Variants in SHPRH observed in about 807,000 individuals in gnomAD.
SHPRH encodes SNF2 histone linker PHD RING helicase, also known as E3 ubiquitin-protein ligase SHPRH.
Under a neutral mutation model 202.5 loss-of-function variants are expected in SHPRH, and 106 were observed. The observed-to-expected ratio is 0.52, with a 90% CI of 0.45 to 0.62. The LOEUF (loss-of-function observed/expected upper bound fraction) is 0.62. Ranked by LOEUF, SHPRH falls within the 20% of genes least tolerant of loss-of-function variation. The pLI, the probability that SHPRH is intolerant of heterozygous loss-of-function variation, is 0.00. For missense variants in SHPRH, 1,710 were observed against 2,020.0 expected, an observed-to-expected ratio of 0.85 and a Z score of 2.94; for synonymous variants, 729 against 686.0, an observed-to-expected ratio of 1.06 and a Z score of -0.98.
At chr6:145,963,252 C>T (rs1298091515) in intron 1 of SHPRH, among the ~76,000 whole-genome samples, 2 of 152,112 alleles carry the variant, frequency 1.3e-5, no homozygotes, top group African/African-American at 2.4e-5. Context: ...TATCATGGAT[C>T]GTTTCTATTC....
chr6:145,872,883 G>A (rs1273138181), intron 2 of SHPRH, among the ~76,000 whole-genome samples: 1 of 152,188 alleles, frequency 6.6e-6, no homozygotes, highest in African/African-American at 2.4e-5. Context: ...GTGCTTCGCA[G>A]GGACATGGAT....
rs749535179 is a variant in SHPRH, at chr6:145,943,715, AGGT to A, written c.1663_1665del (p.Thr555del). On this transcript the variant is annotated inframe_deletion, in exon 9 of 30. Coordinates refer to ENST00000275233, the MANE Select transcript of SHPRH (RefSeq NM_001042683.3). The stretch of plus-strand genomic sequence containing the variant: ...TAGTAAGGATCATCATCATCATCAG[AGGT>A]GTCTGATGGCAAGTATTCAGAATCT... 3.7e-4 allele frequency: 601 copies of A among 1,613,360 alleles called. No individual in the cohort carries two copies. Among genetic ancestry groups the A allele is most frequent in the Middle Eastern group, 5.0e-4 (3 of 6,054 alleles).
chr6:145,957,744 C>A (rs1788654373), intron 1 of SHPRH, among the ~76,000 whole-genome samples: 1 of 152,118 alleles, frequency 6.6e-6, no homozygotes, highest in Non-Finnish European at 1.5e-5. Flanking sequence ...CATTTGAACA[C>A]AGCACAGTCA....
intron 2 of SHPRH, among the ~76,000 whole-genome samples, chr6:145,873,130 T>C (rs1780130751): frequency 6.6e-6 from 1 of 152,060 alleles, no homozygotes; most frequent in South Asian, 2.1e-4. Flanking sequence ...TGGCACACAT[T>C]TACCTATGTA....
In SHPRH at chr6:145,940,750, C is replaced by T; in HGVS notation, c.2542G>A (p.Gly848Ser). Residue 848 changes from glycine to serine, a missense_variant, in exon 11 of 30, where the codon GGC becomes AGC. Gly to Ser is a moderately conservative substitution (Grantham distance 56). This residue lies in a region of SHPRH where 277 missense variants were observed against 363.0 expected (regional missense o/e 0.76). Transcript: ENST00000275233. Reference sequence around the variant, plus strand: ...TCTAATCCTCTCTGTACTGGAGTGCCACTGATACACCATCGATTAATCCCA... The same window carrying T: ...TCTAATCCTCTCTGTACTGGAGTGCTACTGATACACCATCGATTAATCCCA... ...LSGINRWCIS[G>S]TPVQRGLEDL... is the part of the protein sequence containing the mutation. 6.2e-7 allele frequency: 1 copy of T among 1,613,720 alleles called. No individual in the cohort carries two copies. Among genetic ancestry groups the T allele is most frequent in the Non-Finnish European group, 8.5e-7 (1 of 1,179,810 alleles).
At chr6:145,897,253 T>C (rs1782092904) in intron 25 of SHPRH, among the ~76,000 whole-genome samples, 1 of 151,954 alleles carries the variant, frequency 6.6e-6, no homozygotes, top group South Asian at 2.1e-4. Flanking sequence ...ATGAGACTTA[T>C]GAACAACTAT....
intron 2 of SHPRH, among the ~76,000 whole-genome samples, chr6:145,875,700 A>T (rs1484392997): frequency 6.6e-6 from 1 of 152,150 alleles, no homozygotes; most frequent in Non-Finnish European, 1.5e-5. Flanking sequence ...GATAATAGTT[A>T]TCTTTGTTTC....
intron 26 of SHPRH, among the ~76,000 whole-genome samples, 184 bp from the exon 27 acceptor site, chr6:145,894,420 GTT>G (rs55829530): frequency 7.1e-6 from 1 of 140,286 alleles, no homozygotes; most frequent in Admixed American, 7.2e-5. Context: ...AATTTTGTTT[GTT>G]TTTTTTTTTT....
chr6:145,901,265 A>G, intron 25 of SHPRH, among the ~76,000 whole-genome samples: 1 of 152,094 alleles, frequency 6.6e-6, no homozygotes, highest in East Asian at 1.9e-4. Context: ...ATTGAAATGA[A>G]TGTTTTATAC....
chr6:145,917,926 T>C (rs1784095309), intron 23 of SHPRH: 2 of 401,496 alleles, frequency 5.0e-6, no homozygotes, highest in Non-Finnish European at 8.9e-6. Context: ...GTGCATGCCT[T>C]CTATATCATC....
intron 25 of SHPRH, 49 bp from the exon 26 acceptor site, chr6:145,895,026 A>C (rs765593014): frequency 5.2e-6 from 8 of 1,534,946 alleles, no homozygotes; most frequent in Non-Finnish European, 7.2e-6. Context: ...AATCTAGTTA[A>C]GAACAGAATA....
chr6:145,900,121 C>G (rs1782366966), intron 25 of SHPRH, among the ~76,000 whole-genome samples: 1 of 152,114 alleles, frequency 6.6e-6, no homozygotes, highest in Non-Finnish European at 1.5e-5. Flanking sequence ...AAAAATAGAA[C>G]TACCACACAA....
intron 1 of SHPRH, among the ~76,000 whole-genome samples, chr6:145,960,831 T>C (rs1314307901): frequency 6.6e-6 from 1 of 152,134 alleles, no homozygotes; most frequent in Non-Finnish European, 1.5e-5. Flanking sequence ...GTACCATAAA[T>C]GGGTTTCATG....
At chr6:145,941,934 T>G in intron 9 of SHPRH, 60 bp from the exon 10 acceptor site, 1 of 1,577,304 alleles carries the variant, frequency 6.3e-7, no homozygotes, top group Non-Finnish European at 8.6e-7. Flanking sequence ...CAATGAAATA[T>G]TCACTCATTT....
At chr6:145,897,836 C>T (rs935009824) in intron 25 of SHPRH, among the ~76,000 whole-genome samples, 5 of 152,056 alleles carry the variant, frequency 3.3e-5, no homozygotes, top group African/African-American at 9.7e-5. Flanking sequence ...AATAAACTCT[C>T]AACAACTTAG....
chr6:145,953,933 AAGGCTTCAT>A (rs1788228152), intron 2 of SHPRH, among the ~76,000 whole-genome samples: 1 of 151,906 alleles, frequency 6.6e-6, no homozygotes, highest in Non-Finnish European at 1.5e-5. Flanking sequence ...GTAAAGATGA[AAGGCTTCAT>A]AGTTTAGCAG....
At chr6:145,884,133 T>G (rs1780792792), downstream of SHPRH, 1 of 151,992 alleles carries the variant, frequency 6.6e-6, no homozygotes, top group Non-Finnish European at 1.5e-5. Context: ...AATATTTAGG[T>G]AAGTAGTTGG....
At chr6:145,867,528 C>T (rs578058971) in intron 2 of SHPRH, among the ~76,000 whole-genome samples, 1 of 148,644 alleles carries the variant, frequency 6.7e-6, no homozygotes, top group Admixed American at 6.8e-5. Context: ...GAGGCTGAAG[C>T]TGCAGTGGGC....
intron 28 of SHPRH, among the ~76,000 whole-genome samples, chr6:145,889,762 C>T (rs753321776): frequency 6.6e-6 from 1 of 152,088 alleles, no homozygotes; most frequent in Admixed American, 6.6e-5. Context: ...TTAAGGGATG[C>T]TCAACCTGTA....
Sources: gnomAD v4.1 joint callset for allele counts (sites outside exome capture counted in the v4.1 genomes callset) on GRCh38, gnomAD v4.1.1 for gene constraint, gnomAD v4.1.1 regional missense constraint, MANE v1.5 for transcripts, NCBI Gene and HGNC (gene_info 2026-07-23, HGNC 2026-07-21) for gene names.